Variants in PDE4D observed in about 807,000 individuals in gnomAD.
The protein encoded by PDE4D is phosphodiesterase 4D, also known as 3',5'-cyclic-AMP phosphodiesterase 4D.
A neutral mutation model predicts 87.4 loss-of-function variants in PDE4D; 24 were observed. The observed-to-expected ratio is 0.27, with a 90% CI of 0.20 to 0.39. PDE4D has a LOEUF of 0.39. Among genes scored for constraint, PDE4D ranks in the 10% least tolerant of loss-of-function variants. The probability of loss-of-function intolerance (pLI) is 1.00; values close to 1 mark genes in which losing one functional copy is unlikely to be tolerated. For synonymous variants in PDE4D, 384 were observed against 383.2 expected (o/e 1.00, Z -0.02); for missense variants, 714 against 1,041.0 (o/e 0.69, Z 4.32).
At chr5:60,319,859 A>G (rs1756045424) in intron 1 of PDE4D, among the ~76,000 whole-genome samples, 1 of 152,164 alleles carries the variant, frequency 6.6e-6, no homozygotes, top group Non-Finnish European at 1.5e-5. Flanking sequence ...GTCTAAGAGG[A>G]GTACCCAGCC....
intron 1 of PDE4D, among the ~76,000 whole-genome samples, chr5:59,878,385 T>C (rs2152743701): frequency 6.6e-6 from 1 of 152,340 alleles, no homozygotes; most frequent in East Asian, 1.9e-4. Context: ...TCAAACAAGC[T>C]AAAAATTACA....
intron 6 of PDE4D, among the ~76,000 whole-genome samples, chr5:59,031,821 A>G (rs952417651): frequency 6.6e-6 from 1 of 152,066 alleles, no homozygotes; most frequent in Non-Finnish European, 1.5e-5. Context: ...AAGTGAGATA[A>G]GTCAGGCACA....
chr5:60,046,980 G>T (rs1472286391), intron 2 of PDE4D, among the ~76,000 whole-genome samples: 2 of 152,158 alleles, frequency 1.3e-5, no homozygotes, highest in Non-Finnish European at 2.9e-5. Context: ...GAATTCGGCT[G>T]TGAATCCATC....
intron 1 of PDE4D, among the ~76,000 whole-genome samples, chr5:59,473,351 A>G (rs1278268218): frequency 6.6e-6 from 1 of 152,070 alleles, no homozygotes; most frequent in African/African-American, 2.4e-5. Context: ...CATTATTACA[A>G]TAATGTTTAC....
At chr5:60,088,740 A>G (rs1774799202) in intron 2 of PDE4D, among the ~76,000 whole-genome samples, 1 of 151,972 alleles carries the variant, frequency 6.6e-6, no homozygotes, top group Non-Finnish European at 1.5e-5. Flanking sequence ...TAAGAGAGAG[A>G]GAGAAAAAGA....
chr5:60,282,210 T>TAC (rs1371740742), intron 1 of PDE4D, among the ~76,000 whole-genome samples: 4 of 28,180 alleles, frequency 1.4e-4, no homozygotes, highest in Non-Finnish European at 2.5e-4. Context: ...GAAATAAACA[T>TAC]ATATATATAT....
chr5:60,364,771 T>C (rs1760377877), intron 1 of PDE4D, among the ~76,000 whole-genome samples: 1 of 152,200 alleles, frequency 6.6e-6, no homozygotes, highest in Admixed American at 6.5e-5. Flanking sequence ...TCCTATTTCT[T>C]CTTAGAAATG....
chr5:59,320,809 CTTCT>C (rs1332540404), intron 1 of PDE4D, among the ~76,000 whole-genome samples: 1 of 151,878 alleles, frequency 6.6e-6, no homozygotes, highest in Non-Finnish European at 1.5e-5. Context: ...TCCTCTACTC[CTTCT>C]TTTCTTTTCT....
chr5:60,206,695 T>TG (rs1742570590), intron 1 of PDE4D, among the ~76,000 whole-genome samples: 1 of 152,212 alleles, frequency 6.6e-6, no homozygotes, highest in South Asian at 2.1e-4. Flanking sequence ...TAAACCACAT[T>TG]TTACTATCTA....
intron 1 of PDE4D, among the ~76,000 whole-genome samples, chr5:59,220,377 C>CAAAAAAAA (rs57610513): frequency 1.7e-4 from 6 of 36,152 alleles, no homozygotes; most frequent in Non-Finnish European, 3.3e-4. Context: ...GACTCTGTCT[C>CAAAAAAAA]AAAAAAAAAA....
intron 3 of PDE4D, among the ~76,000 whole-genome samples, chr5:59,906,072 G>A (rs1023345025): frequency 4.6e-5 from 7 of 152,102 alleles, no homozygotes; most frequent in African/African-American, 1.7e-4. Flanking sequence ...TGCTGCAGTG[G>A]GCACTTCACT....
At chr5:59,453,694 G>A in intron 1 of PDE4D, among the ~76,000 whole-genome samples, 1 of 152,218 alleles carries the variant, frequency 6.6e-6, no homozygotes, top group East Asian at 1.9e-4. Flanking sequence ...AGAAGAAAAG[G>A]TTGAAGCCAG....
chr5:59,150,788 T>C (rs935309762), intron 5 of PDE4D, among the ~76,000 whole-genome samples: 29 of 152,208 alleles, frequency 1.9e-4, no homozygotes, highest in Admixed American at 1.6e-3. Context: ...CAATTATAAA[T>C]GGGAAATTGC....
intron 5 of PDE4D, among the ~76,000 whole-genome samples, chr5:59,045,878 T>C (rs1328820450): frequency 6.6e-6 from 1 of 152,236 alleles, no homozygotes; most frequent in African/African-American, 2.4e-5. Context: ...AGAATAAAAT[T>C]AAATAACTTA....
intron 1 of PDE4D, among the ~76,000 whole-genome samples, chr5:60,454,550 C>G (rs1451922716): frequency 2.0e-5 from 3 of 152,124 alleles, no homozygotes; most frequent in Non-Finnish European, 4.4e-5. Flanking sequence ...AACACAGGAA[C>G]AGATAACCAA....
chr5:60,085,307 T>C (rs1015201379), intron 2 of PDE4D, among the ~76,000 whole-genome samples: 1 of 152,160 alleles, frequency 6.6e-6, no homozygotes, highest in Non-Finnish European at 1.5e-5. Context: ...TTAGGGTGTT[T>C]AGCCAGGTAT....
chr5:59,714,682 C>T (rs879493913), intron 1 of PDE4D, among the ~76,000 whole-genome samples: 10 of 152,344 alleles, frequency 6.6e-5, no homozygotes, highest in South Asian at 4.1e-4. Flanking sequence ...AGGAACAGTT[C>T]GCCTTCACGG....
chr5:59,798,281 T>A, intron 1 of PDE4D, among the ~76,000 whole-genome samples: 1 of 151,636 alleles, frequency 6.6e-6, no homozygotes, highest in Non-Finnish European at 1.5e-5. Context: ...TGTGTGTGTG[T>A]GTGTGTGTGT....
chr5:59,096,766 C>G (rs1023432285), intron 5 of PDE4D, among the ~76,000 whole-genome samples: 3 of 152,142 alleles, frequency 2.0e-5, no homozygotes, highest in African/African-American at 7.2e-5. Context: ...GACCCATAGA[C>G]AGAGAAACTA....
Sources: gnomAD v4.1 joint callset for allele counts (sites outside exome capture counted in the v4.1 genomes callset) on GRCh38, gnomAD v4.1.1 for gene constraint, MANE v1.5 for transcripts, NCBI Gene and HGNC (gene_info 2026-07-23, HGNC 2026-07-21) for gene names.